DPH6: variants seen among roughly 807,000 people sequenced by gnomAD.
The protein encoded by DPH6 is diphthamine biosynthesis 6, also known as diphthine--ammonia ligase.
In DPH6, 33 loss-of-function variants were observed where a neutral mutation model predicts 38.2. That is an observed-to-expected ratio of 0.86 (90% CI 0.65 to 1.15). DPH6 has a LOEUF of 1.15. DPH6 is among the 50% of genes most tolerant of loss of function. DPH6 has a pLI of 0.00. For missense variants in DPH6, 325 were observed against 320.0 expected (o/e 1.02, Z -0.12); for synonymous variants, 108 against 103.0 (o/e 1.05, Z -0.30).
intron 3 of DPH6, among the ~76,000 whole-genome samples, chr15:35,316,355 T>C (rs961596767): frequency 1.3e-4 from 20 of 152,106 alleles, no homozygotes; most frequent in African/African-American, 4.6e-4. Context: ...AAAAGACATG[T>C]GATTAATATG....
the DPH6 span, among the ~76,000 whole-genome samples, chr15:35,211,009 T>C: frequency 2.1e-5 from 3 of 144,434 alleles, no homozygotes; most frequent in Non-Finnish European, 4.5e-5. Flanking sequence ...ATAAGTGATA[T>C]GAGACCTTTT....
rs1210333423 is a variant in DPH6 at position 35,371,034 on chromosome 15, C to T, written c.*1116G>A. The T allele has an allele frequency of 6.6e-6, 1 of 151,230 alleles. No homozygotes were observed. The highest frequency in any genetic ancestry group is 2.4e-5 in the African/African-American group (1 of 41,260). 9.4% of individuals were successfully genotyped at this position (151,230 alleles called of 1,614,324 possible). Reference sequence around the variant, plus strand: ...AAAAAAATGAGCTACATATACATGACAAGATACAGAGAAACCTAAATGCAT... The same window carrying T: ...AAAAAAATGAGCTACATATACATGATAAGATACAGAGAAACCTAAATGCAT... On this transcript the variant is annotated 3_prime_UTR_variant, in exon 9 of 9. Coordinates refer to ENST00000256538, the MANE Select transcript of DPH6 (RefSeq NM_080650.4).
intron 6 of DPH6, among the ~76,000 whole-genome samples, chr15:35,405,989 T>C (rs148031858): frequency 1.5e-4 from 23 of 152,220 alleles, no homozygotes; most frequent in African/African-American, 5.5e-4. Context: ...TTCATTATTT[T>C]ATTGTGTTGA....
At chr15:35,185,977 G>A in the DPH6 span, among the ~76,000 whole-genome samples, 3 of 151,844 alleles carry the variant, frequency 2.0e-5, no homozygotes, top group Admixed American at 6.6e-5. Flanking sequence ...CTCGTGATCC[G>A]CTTGCCTCGG....
intron 3 of DPH6, among the ~76,000 whole-genome samples, chr15:35,508,673 C>T (rs1313817883): frequency 2.0e-5 from 3 of 152,096 alleles, no homozygotes; most frequent in Non-Finnish European, 4.4e-5. Context: ...TGACATTCTC[C>T]TAATCCCTTT....
At chr15:35,263,194 C>T (rs1348199784) in intron 3 of DPH6, among the ~76,000 whole-genome samples, 3 of 152,056 alleles carry the variant, frequency 2.0e-5, no homozygotes, top group South Asian at 2.1e-4. Flanking sequence ...ATTTACATAT[C>T]ACCTTTCTTC....
intron 3 of DPH6, among the ~76,000 whole-genome samples, chr15:35,321,151 T>C (rs973421368): frequency 7.2e-5 from 11 of 152,230 alleles, no homozygotes; most frequent in Admixed American, 3.3e-4. Flanking sequence ...CCTAATCTTG[T>C]GGTCTTTCAA....
intron 5 of DPH6, among the ~76,000 whole-genome samples, chr15:35,427,450 AT>A (rs1471064656): frequency 2.0e-5 from 3 of 151,276 alleles, no homozygotes; most frequent in Non-Finnish European, 4.4e-5. Flanking sequence ...TTTTGCTAAT[AT>A]GAAGCTTTTC....
At chr15:35,489,902 A>G in intron 3 of DPH6, 1 of 967,420 alleles carries the variant, frequency 1.0e-6, no homozygotes, top group Non-Finnish European at 1.2e-6. Flanking sequence ...TCTGTACTAA[A>G]AATCTATAAT....
chr15:35,493,692 C>G (rs1385380449), intron 3 of DPH6, among the ~76,000 whole-genome samples: 1 of 152,040 alleles, frequency 6.6e-6, no homozygotes, highest in Non-Finnish European at 1.5e-5. Flanking sequence ...ATTTCACTTC[C>G]AAACAATGTG....
intron 4 of DPH6, among the ~76,000 whole-genome samples, chr15:35,451,665 C>T (rs1239096829): frequency 3.3e-5 from 5 of 152,132 alleles, no homozygotes; most frequent in African/African-American, 7.2e-5. Context: ...CTGCTTCCAC[C>T]CTCACCCTTT....
chr15:35,389,665 C>T (rs967522071), intron 6 of DPH6, among the ~76,000 whole-genome samples: 7 of 151,348 alleles, frequency 4.6e-5, no homozygotes, highest in African/African-American at 1.7e-4. Context: ...GATTGCAATC[C>T]CTGCCTTTTT....
At chr15:35,365,164 T>C (rs1216808667) in intron 3 of DPH6, among the ~76,000 whole-genome samples, 1 of 152,044 alleles carries the variant, frequency 6.6e-6, no homozygotes, top group Admixed American at 6.6e-5. Context: ...GGCTTAAATC[T>C]ATCATTATAA....
chr15:35,466,247 A>G (rs1215155879), intron 3 of DPH6, among the ~76,000 whole-genome samples: 1 of 152,198 alleles, frequency 6.6e-6, no homozygotes, highest in Non-Finnish European at 1.5e-5. Context: ...AGATAAGGTG[A>G]TATTTTGAGG....
chr15:35,337,886 C>T (rs1482523853), intron 3 of DPH6, among the ~76,000 whole-genome samples: 2 of 151,952 alleles, frequency 1.3e-5, no homozygotes, highest in Non-Finnish European at 2.9e-5. Context: ...CACATATCTA[C>T]AACTATCTGA....
At chr15:35,523,508 C>T (rs113755119) in intron 3 of DPH6, among the ~76,000 whole-genome samples, 2 of 151,874 alleles carry the variant, frequency 1.3e-5, no homozygotes, top group African/African-American at 4.8e-5. Context: ...CAAGACTTCC[C>T]AACTTATCCA....
At chr15:35,259,371 G>A (rs945108736) in intron 3 of DPH6, among the ~76,000 whole-genome samples, 2 of 152,146 alleles carry the variant, frequency 1.3e-5, no homozygotes, top group Admixed American at 1.3e-4. Flanking sequence ...GACTATGCAT[G>A]TACACTATAC....
chr15:35,246,023 C>T (rs1471041222), intron 3 of DPH6, among the ~76,000 whole-genome samples: 1 of 152,162 alleles, frequency 6.6e-6, no homozygotes, highest in Non-Finnish European at 1.5e-5. Flanking sequence ...ATTCCTTCTC[C>T]TGGCTCAGAA....
At chr15:35,528,922 C>A (rs1021334899) in intron 3 of DPH6, among the ~76,000 whole-genome samples, 1 of 152,136 alleles carries the variant, frequency 6.6e-6, no homozygotes. Flanking sequence ...ATTTAAGACA[C>A]TCTCTTTTTT....
Sources: gnomAD v4.1 joint callset for allele counts (sites outside exome capture counted in the v4.1 genomes callset) on GRCh38, gnomAD v4.1.1 for gene constraint, MANE v1.5 for transcripts, NCBI Gene and HGNC (gene_info 2026-07-23, HGNC 2026-07-21) for gene names.